The following PCDHGB2 variants were observed in gnomAD, a reference collection of about 807,000 sequenced individuals.
PCDHGB2 encodes the protein protocadherin gamma subfamily B, 2, also known as protocadherin gamma-B2.
PCDHGB2 carries 55 observed loss-of-function variants against 59.3 expected under a neutral mutation model. That is an observed-to-expected ratio of 0.93 (90% CI 0.75 to 1.16). The LOEUF is 1.16. Among genes scored for constraint, PCDHGB2 ranks in the 50% most tolerant of loss-of-function variants. PCDHGB2 has a pLI of 0.00. For missense variants in PCDHGB2, 1,228 were observed against 1,198.5 expected (o/e 1.02, Z -0.36); for synonymous variants, 516 against 512.0 (o/e 1.01, Z -0.11).
At chr5:141,436,305 T>C (rs2097810667) in intron 1 of PCDHGB2, among the ~76,000 whole-genome samples, 1 of 152,184 alleles carries the variant, frequency 6.6e-6, no homozygotes. Flanking sequence ...AGTTAGAGCA[T>C]GAATAGTCAA....
At chr5:141,409,908 C>T (rs1255447661) in intron 1 of PCDHGB2, 1 of 1,613,204 alleles carries the variant, frequency 6.2e-7, no homozygotes, top group Non-Finnish European at 8.5e-7. Context: ...GCTCTGGGTC[C>T]TGACGGCTCC....
intron 1 of PCDHGB2, among the ~76,000 whole-genome samples, chr5:141,382,084 C>A (rs1777939232): frequency 6.6e-6 from 1 of 152,102 alleles, no homozygotes; most frequent in South Asian, 2.1e-4. Flanking sequence ...CCGCCTCGGC[C>A]TCACAAAGTG....
Position 141,409,459 on chromosome 5 carries a change from T to C in PCDHGB2, c.2421+46903T>C, listed in dbSNP as rs139792503. On this transcript the variant is annotated intron_variant, in intron 1 of 3. Coordinates refer to ENST00000522605, the MANE Select transcript of PCDHGB2 (RefSeq NM_018923.3). ...ACCGAGAGCAGACACCAGAATACAA[T>C]GTCACCATCGTAGCCACTGACAGGG... 4.9e-3 allele frequency: 7,986 copies of C among 1,613,950 alleles called. 44 individuals are homozygous for C. The highest frequency in any genetic ancestry group is 9.4e-3 in the Admixed American group (567 of 60,028).
At chr5:141,409,792 C>T in intron 1 of PCDHGB2, 1 of 1,612,068 alleles carries the variant, frequency 6.2e-7, no homozygotes, top group African/African-American at 1.3e-5. Flanking sequence ...CCTTCGCGCT[C>T]ACGCTGCAGG....
chr5:141,371,888 G>C (rs1464333099), intron 1 of PCDHGB2: 1 of 1,613,320 alleles, frequency 6.2e-7, no homozygotes, highest in East Asian at 2.2e-5. Context: ...ACCTGGAGCC[G>C]CGGGAGCTGT....
intron 1 of PCDHGB2, chr5:141,428,440 G>A (rs890993546): frequency 1.0e-5 from 4 of 393,892 alleles, no homozygotes; most frequent in African/African-American, 8.2e-5. Flanking sequence ...GACTAGACCA[G>A]GGGTTTTTCC....
In PCDHGB2 at chr5:141,372,944, T is replaced by G. The variant is rs575803755; in HGVS notation, c.2421+10388T>G. ...ATTTTCTGGTGTAGAGTAGGGTGTC[T>G]AGGAAATTCTTTGTAGAATTTCCTG... On this transcript the variant is annotated intron_variant, in intron 1 of 3. Coordinates refer to ENST00000522605, the MANE Select transcript of PCDHGB2 (RefSeq NM_018923.3). The G allele has an allele frequency of 1.0e-5, 8 of 788,876 alleles. No individual in the cohort carries two copies. In the East Asian group the frequency reaches 2.2e-4, roughly 22 times the overall value. The allele number at this position is 788,876 out of a possible 1,614,324, so 48.9% of individuals were successfully genotyped here. A position where few individuals can be genotyped will look rare whatever the true frequency, so the allele number is the denominator to read the frequency against.
At chr5:141,389,498 A>T (rs376900362) in intron 1 of PCDHGB2, 6 of 1,612,928 alleles carry the variant, frequency 3.7e-6, no homozygotes, top group African/African-American at 1.3e-5. Context: ...AGGGCTCGCC[A>T]GCGCTCAGCG....
At chr5:141,418,015 G>T (rs1385008648) in intron 1 of PCDHGB2, 1 of 1,613,964 alleles carries the variant, frequency 6.2e-7, no homozygotes, top group Non-Finnish European at 8.5e-7. Context: ...ACCTCGCTAA[G>T]GATCTAGGGC....
intron 1 of PCDHGB2, chr5:141,414,399 GGTGATAC>G (rs1297009673): frequency 6.2e-7 from 1 of 1,613,846 alleles, no homozygotes; most frequent in South Asian, 1.1e-5. Flanking sequence ...ATTACAGATT[GGTGATAC>G]ACAGAGCCCT....
chr5:141,392,649 C>G, intron 1 of PCDHGB2: 1 of 703,200 alleles, frequency 1.4e-6, no homozygotes, highest in Non-Finnish European at 2.2e-6. Flanking sequence ...CACGAAGACC[C>G]GCAGATGCCA....
intron 1 of PCDHGB2, chr5:141,389,893 T>C (rs764580902): frequency 2.9e-5 from 46 of 1,613,976 alleles, no homozygotes; most frequent in Non-Finnish European, 3.6e-5. Context: ...CAGGAGGTGC[T>C]GCCGGATATC....
chr5:141,371,455 A>G (rs1030277886), intron 1 of PCDHGB2: 3 of 1,613,904 alleles, frequency 1.9e-6, no homozygotes, highest in Non-Finnish European at 2.5e-6. Context: ...TCTGAATCCC[A>G]ACATATACAA....
rs758065876 is a variant in PCDHGB2 at position 141,422,916 on chromosome 5, C to A, written c.2421+60360C>A. 5.6e-6 allele frequency: 9 copies of A among 1,614,260 alleles called. No homozygotes were observed. In the South Asian group the frequency reaches 9.9e-5, roughly 18 times the overall value. ...ACCAGAACGACAATGCGCCCGAGAT[C>A]CTGTACCCTGCCCTCCCCACAGACG... On this transcript the variant is annotated intron_variant, in intron 1 of 3. Coordinates refer to ENST00000522605, the MANE Select transcript of PCDHGB2 (RefSeq NM_018923.3).
At position 141,431,914 on chromosome 5, in the gene PCDHGB2, C is replaced by A. The variant is rs745837291; in HGVS notation, c.2422-62893C>A. 6.2e-7 allele frequency: 1 copy of A among 1,613,912 alleles called. No individual in the cohort carries two copies. Among genetic ancestry groups the A allele is most frequent in the African/African-American group, 1.3e-5 (1 of 75,070 alleles). On this transcript the variant is annotated intron_variant, in intron 1 of 3. Transcript: ENST00000522605. The surrounding 1 kb of genome is among the most constrained non-coding windows in gnomAD (Gnocchi z 4.8). ...AGGAAAACGGACAGGTGATCTGTTT[C>A]ATCCAAGGAAATCTGCCCTTTAAAT...
chr5:141,433,194 A>G (rs1170543558), intron 1 of PCDHGB2: 18 of 1,585,754 alleles, frequency 1.1e-5, no homozygotes, highest in Non-Finnish European at 1.5e-5. Context: ...GTGAGTTTAT[A>G]TCAAATCTTC....
chr5:141,394,432 C>T (rs1561648568), intron 1 of PCDHGB2: 2 of 1,614,238 alleles, frequency 1.2e-6, no homozygotes, highest in Admixed American at 1.7e-5. Flanking sequence ...AGCGGGGACC[C>T]GCCCCTCAGC....
chr5:141,382,720 T>C (rs894143659), intron 1 of PCDHGB2: 7 of 480,002 alleles, frequency 1.5e-5, no homozygotes, highest in African/African-American at 1.4e-4. Flanking sequence ...AACCACCGAG[T>C]TTTACAGCAC....
At chr5:141,428,112 A>G (rs2097111373) in intron 1 of PCDHGB2, 1 of 1,607,642 alleles carries the variant, frequency 6.2e-7, no homozygotes, top group Non-Finnish European at 8.5e-7. Context: ...GCTGCAGGCC[A>G]TCGAGCCCGG....
Sources: allele counts gnomAD v4.1 joint callset (sites outside exome capture counted in the v4.1 genomes callset), GRCh38; gene constraint gnomAD v4.1.1; non-coding constraint Gnocchi (gnomAD v3.1); transcripts MANE v1.5; gene names NCBI Gene and HGNC (gene_info 2026-07-23, HGNC 2026-07-21).